NCKAP5: variants seen among roughly 807,000 people sequenced by gnomAD.
NCKAP5 encodes the protein NCK associated protein 5, also known as nck-associated protein 5.
Under a neutral mutation model 167.0 loss-of-function variants are expected in NCKAP5, and 92 were observed. The ratio of observed to expected loss-of-function variants is 0.55; its 90% CI spans 0.47 to 0.66. The LOEUF (loss-of-function observed/expected upper bound fraction) is 0.66. Ranked by LOEUF, NCKAP5 falls within the 30% of genes least tolerant of loss-of-function variation. NCKAP5 has a pLI of 0.00. For synonymous variants in NCKAP5, 891 were observed against 877.4 expected, an observed-to-expected ratio of 1.02 and a Z score of -0.27; for missense variants, 2,378 against 2,315.0, an observed-to-expected ratio of 1.03 and a Z score of -0.56.
intron 19 of NCKAP5, among the ~76,000 whole-genome samples, chr2:132,706,482 C>A (rs998394909): frequency 2.0e-5 from 3 of 152,156 alleles, no homozygotes; most frequent in Non-Finnish European, 2.9e-5. Flanking sequence ...TCCCTTCTAA[C>A]CTTCTGCCTT....
intron 3 of NCKAP5, among the ~76,000 whole-genome samples, chr2:133,477,070 A>G (rs1679980492): frequency 6.6e-6 from 1 of 152,220 alleles, no homozygotes; most frequent in African/African-American, 2.4e-5. Flanking sequence ...CTCCAAAAGC[A>G]CTATTTTAAT....
At chr2:132,733,294 G>A (rs1558985930) in intron 16 of NCKAP5, among the ~76,000 whole-genome samples, 1 of 152,162 alleles carries the variant, frequency 6.6e-6, no homozygotes, top group Admixed American at 6.5e-5. Context: ...GTCTAGCACT[G>A]GGTAAGCGGA....
chr2:133,635,822 T>G, the NCKAP5 span, among the ~76,000 whole-genome samples: 1 of 152,182 alleles, frequency 6.6e-6, no homozygotes. Flanking sequence ...TGCTTGCATT[T>G]TCTGAAAATC....
intron 6 of NCKAP5, among the ~76,000 whole-genome samples, chr2:133,126,109 T>C (rs1244756330): frequency 2.0e-5 from 3 of 152,220 alleles, no homozygotes; most frequent in Non-Finnish European, 4.4e-5. Context: ...AATTAAGCCA[T>C]GGACCACCTC....
At chr2:132,739,169 TG>T (rs1691796194) in intron 16 of NCKAP5, among the ~76,000 whole-genome samples, 1 of 152,182 alleles carries the variant, frequency 6.6e-6, no homozygotes, top group South Asian at 2.1e-4. Context: ...CTGTGGTGTT[TG>T]GGAAATGCCA....
At chr2:133,175,214 C>A (rs542208895) in intron 5 of NCKAP5, among the ~76,000 whole-genome samples, 1 of 152,194 alleles carries the variant, frequency 6.6e-6, no homozygotes, top group Admixed American at 6.5e-5. Context: ...TCTATTGGAT[C>A]CTTGAACCTA....
chr2:133,562,250 C>T (rs757952091), intron 1 of NCKAP5, among the ~76,000 whole-genome samples: 22 of 151,926 alleles, frequency 1.4e-4, no homozygotes, highest in Non-Finnish European at 2.2e-4. Context: ...TAGAGAAACA[C>T]ATACTCAATG....
intron 6 of NCKAP5, among the ~76,000 whole-genome samples, chr2:133,002,391 A>T (rs896563015): frequency 1.6e-4 from 24 of 152,232 alleles, no homozygotes; most frequent in African/African-American, 5.8e-4. Context: ...AATTATGACA[A>T]CACACTGTAA....
intron 2 of NCKAP5, among the ~76,000 whole-genome samples, chr2:133,552,913 G>T (rs912126431): frequency 5.9e-5 from 9 of 152,116 alleles, no homozygotes; most frequent in African/African-American, 1.9e-4. Flanking sequence ...TGCTCAAATT[G>T]TCCAAGGTAT....
At chr2:132,743,695 T>C (rs1679401407) in intron 16 of NCKAP5, among the ~76,000 whole-genome samples, 2 of 151,654 alleles carry the variant, frequency 1.3e-5, no homozygotes, top group South Asian at 4.1e-4. Flanking sequence ...GATAATTACA[T>C]AAAATTAAAA....
intron 2 of NCKAP5, among the ~76,000 whole-genome samples, chr2:133,524,499 G>T (rs72990486): frequency 6.6e-6 from 1 of 151,994 alleles, no homozygotes; most frequent in East Asian, 1.9e-4. Context: ...GTTAATGTAC[G>T]TATATCATAA....
chr2:133,600,086 T>C, the NCKAP5 span, among the ~76,000 whole-genome samples: 1 of 152,300 alleles, frequency 6.6e-6, no homozygotes, highest in Admixed American at 6.5e-5. Flanking sequence ...AGCTCATCTG[T>C]GTCGCGGAAT....
chr2:133,671,032 G>A, the NCKAP5 span, among the ~76,000 whole-genome samples: 1 of 151,970 alleles, frequency 6.6e-6, no homozygotes, highest in Non-Finnish European at 1.5e-5. Flanking sequence ...TGGCCAACAT[G>A]GTGAAACCCC....
At chr2:133,576,726 G>A in the NCKAP5 span, among the ~76,000 whole-genome samples, 183 of 152,306 alleles carry the variant, frequency 1.2e-3, no homozygotes, top group African/African-American at 4.2e-3. Flanking sequence ...GGAAAAGTTA[G>A]GACAATCTGA....
intron 5 of NCKAP5, among the ~76,000 whole-genome samples, chr2:133,146,302 G>A (rs1396890032): frequency 6.6e-6 from 1 of 151,814 alleles, no homozygotes; most frequent in Non-Finnish European, 1.5e-5. Context: ...AGATAAAAAA[G>A]CAAATCTAGA....
intron 16 of NCKAP5, among the ~76,000 whole-genome samples, chr2:132,757,833 C>A (rs1680675286): frequency 6.6e-6 from 1 of 152,158 alleles, no homozygotes; most frequent in South Asian, 2.1e-4. Context: ...TGTTTGGAAC[C>A]AATATAGCTG....
chr2:133,197,402 C>A (rs749811669), intron 5 of NCKAP5, among the ~76,000 whole-genome samples: 2 of 152,190 alleles, frequency 1.3e-5, no homozygotes, highest in Non-Finnish European at 2.9e-5. Flanking sequence ...CTGAACCTCA[C>A]CTGGCCAATT....
At chr2:133,459,373 A>G (rs1692060277) in intron 3 of NCKAP5, among the ~76,000 whole-genome samples, 1 of 152,084 alleles carries the variant, frequency 6.6e-6, no homozygotes, top group Admixed American at 6.6e-5. Context: ...AAAGCCCAAG[A>G]CTTCATGGGC....
rs570995437 is a variant in NCKAP5 at position 133,231,748 on chromosome 2, CA to C, written c.144-17970del. Among the ~76,000 whole-genome samples, 9 of 151,634 alleles carry C rather than the reference CA, an allele frequency of 5.9e-5. No homozygotes were observed. The South Asian group carries it at 1.0e-3, about 18-fold the overall frequency. ...CACTGTTAACAGTGGCAAATAAAAC[CA>C]AAAGTTATTCTGCACACTTACCACT... On this transcript the variant is annotated intron_variant, in intron 4 of 19. Coordinates refer to ENST00000409261, the MANE Select transcript of NCKAP5 (RefSeq NM_207363.3).
Sources: gnomAD v4.1 joint callset for allele counts (sites outside exome capture counted in the v4.1 genomes callset) on GRCh38, gnomAD v4.1.1 for gene constraint, MANE v1.5 for transcripts, NCBI Gene and HGNC (gene_info 2026-07-23, HGNC 2026-07-21) for gene names.